The following BANK1 variants were observed in gnomAD, a reference collection of about 807,000 sequenced individuals.
The protein encoded by BANK1 is B cell scaffold protein with ankyrin repeats 1.
In BANK1, 95 loss-of-function variants were observed where a neutral mutation model predicts 94.5. The ratio of observed to expected loss-of-function variants is 1.00; its 90% confidence interval spans 0.85 to 1.19. BANK1 has a LOEUF of 1.19. Among genes scored for constraint, BANK1 ranks in the 50% most tolerant of loss-of-function variants. The pLI is 0.00. For synonymous variants in BANK1, 334 were observed against 308.4 expected (o/e 1.08, Z -0.87); for missense variants, 987 against 932.2 (o/e 1.06, Z -0.77).
At chr4:101,892,693 A>G (rs1453690946) in intron 5 of BANK1, among the ~76,000 whole-genome samples, 1 of 151,874 alleles carries the variant, frequency 6.6e-6, no homozygotes, top group Non-Finnish European at 1.5e-5. Context: ...ACTTTATACT[A>G]TTTTATTTCA....
chr4:101,815,739 GT>G (rs1298227659), intron 1 of BANK1, among the ~76,000 whole-genome samples: 8 of 151,828 alleles, frequency 5.3e-5, no homozygotes, highest in Non-Finnish European at 1.0e-4. Flanking sequence ...CTCTAGACAT[GT>G]TTTTTTAAAT....
intron 6 of BANK1, among the ~76,000 whole-genome samples, chr4:101,915,640 A>C (rs1722802861): frequency 6.6e-6 from 1 of 152,150 alleles, no homozygotes; most frequent in Non-Finnish European, 1.5e-5. Flanking sequence ...AATGAGGTAG[A>C]TTCAATATTG....
In BANK1 at chr4:101,944,074, CAGAG is replaced by C. The variant is rs1030209248; in HGVS notation, c.1206+25895_1206+25898del. Among the ~76,000 whole-genome samples, 404 of 147,794 alleles carry C rather than the reference CAGAG, an allele frequency of 2.7e-3. 1 individual carries two copies. Among genetic ancestry groups the C allele is most frequent in the African/African-American group, 9.5e-3 (383 of 40,224 alleles). ...AGAGAGAGAGAGAGAGACAGACAGA[CAGAG>C]AGAGAGAGAAGCAGTGTGTGAATGT... On this transcript the variant is annotated intron_variant, in intron 7 of 16. Transcript: ENST00000322953.
At chr4:101,811,462 G>A (rs1005158645) in intron 1 of BANK1, among the ~76,000 whole-genome samples, 1 of 151,840 alleles carries the variant, frequency 6.6e-6, no homozygotes, top group Admixed American at 6.6e-5. Context: ...AATATTTGAG[G>A]AATAAAAAAT....
chr4:101,919,454 G>A (rs1722930079), intron 7 of BANK1, among the ~76,000 whole-genome samples: 1 of 151,954 alleles, frequency 6.6e-6, no homozygotes, highest in South Asian at 2.1e-4. Context: ...GATGACAGTA[G>A]ATATGAAAGT....
chr4:101,954,121 AAT>A (rs1308390112), intron 7 of BANK1, among the ~76,000 whole-genome samples: 1 of 152,058 alleles, frequency 6.6e-6, no homozygotes, highest in Non-Finnish European at 1.5e-5. Flanking sequence ...CGGTCTTCAC[AAT>A]ATGTTTTCCC....
intron 7 of BANK1, among the ~76,000 whole-genome samples, chr4:101,980,917 A>G (rs1199364956): frequency 2.0e-5 from 3 of 152,070 alleles, no homozygotes; most frequent in African/African-American, 7.2e-5. Flanking sequence ...CTATTAATTT[A>G]AGTGTGCTGC....
chr4:101,824,904 A>C (rs1274517110), intron 1 of BANK1, among the ~76,000 whole-genome samples: 1 of 152,176 alleles, frequency 6.6e-6, no homozygotes, highest in African/African-American at 2.4e-5. Flanking sequence ...TATGTAATGT[A>C]GTCTGGTTTT....
At chr4:102,030,372 G>A (rs1727255546) in intron 10 of BANK1, 107 bp downstream of exon 10, 3 of 1,155,202 alleles carry the variant, frequency 2.6e-6, no homozygotes, top group African/African-American at 3.2e-5. Context: ...ACTCCAAAGA[G>A]TAAACATTTT....
At chr4:101,923,363 ATG>A (rs146011702) in intron 7 of BANK1, among the ~76,000 whole-genome samples, 3 of 150,850 alleles carry the variant, frequency 2.0e-5, no homozygotes, top group African/African-American at 2.4e-5. Flanking sequence ...ATATATATAT[ATG>A]TGTGTGTGTG....
At chr4:101,867,856 A>G (rs895135145) in intron 4 of BANK1, among the ~76,000 whole-genome samples, 3 of 151,832 alleles carry the variant, frequency 2.0e-5, no homozygotes, top group Non-Finnish European at 4.4e-5. Context: ...TAATTTTGAC[A>G]GAGAGCAGAA....
intron 10 of BANK1, 119 bp from the exon 11 acceptor site, chr4:102,043,720 A>G (rs1727779057): frequency 1.4e-5 from 8 of 577,496 alleles, no homozygotes; most frequent in Non-Finnish European, 1.5e-5. Flanking sequence ...AAGTAATACA[A>G]TTCAGGAACT....
intron 1 of BANK1, among the ~76,000 whole-genome samples, chr4:101,817,475 T>C (rs1725961487): frequency 6.6e-6 from 1 of 151,944 alleles, no homozygotes; most frequent in African/African-American, 2.4e-5. Flanking sequence ...GGGAGCTAAA[T>C]GATGAGAAAA....
chr4:101,867,764 A>C (rs1191068090), intron 4 of BANK1, among the ~76,000 whole-genome samples: 1 of 134,098 alleles, frequency 7.5e-6, no homozygotes, highest in Non-Finnish European at 1.6e-5. Context: ...AAAAAAATAA[A>C]TATAAATAAA....
intron 1 of BANK1, among the ~76,000 whole-genome samples, chr4:101,808,921 C>T (rs888115447): frequency 6.6e-6 from 1 of 152,132 alleles, no homozygotes; most frequent in African/African-American, 2.4e-5. Flanking sequence ...AGTATAACCA[C>T]TATGGAAAAC....
intron 1 of BANK1, among the ~76,000 whole-genome samples, chr4:101,818,028 G>A (rs535006791): frequency 1.4e-4 from 21 of 152,004 alleles, no homozygotes; most frequent in African/African-American, 4.8e-4. Flanking sequence ...TCACACTCTG[G>A]CACAAATGTA....
At chr4:101,900,262 C>T (rs1047880421) in intron 6 of BANK1, among the ~76,000 whole-genome samples, 1 of 151,964 alleles carries the variant, frequency 6.6e-6, no homozygotes, top group Admixed American at 6.6e-5. Flanking sequence ...CTGAGAGTAA[C>T]AGAGTAATAA....
At chr4:101,982,004 T>C (rs1425592610) in intron 7 of BANK1, 2 of 152,182 alleles carry the variant, frequency 1.3e-5, no homozygotes, top group Non-Finnish European at 2.9e-5. Flanking sequence ...AGTTCCCCCA[T>C]GCCTCTCTTA....
chr4:101,888,607 C>T (rs1728939391), intron 5 of BANK1, among the ~76,000 whole-genome samples: 1 of 152,156 alleles, frequency 6.6e-6, no homozygotes. Flanking sequence ...TCTTTATTTA[C>T]CACTTATTAG....
Sources: allele counts gnomAD v4.1 joint callset (sites outside exome capture counted in the v4.1 genomes callset), GRCh38; gene constraint gnomAD v4.1.1; transcripts MANE v1.5; gene names NCBI Gene and HGNC (gene_info 2026-07-23, HGNC 2026-07-21).